OGG1: variants seen among roughly 807,000 people sequenced by gnomAD.
The protein encoded by OGG1 is N-glycosylase/DNA lyase.
In OGG1, 35 loss-of-function variants were observed where a neutral mutation model predicts 42.3. The observed-to-expected ratio is 0.83, with a 90% CI of 0.63 to 1.10. The LOEUF (loss-of-function observed/expected upper bound fraction) is 1.10, where lower values mean the gene tolerates loss of function less well. OGG1 is among the 50% of genes least tolerant of loss of function. OGG1 has a pLI of 0.00. For synonymous variants in OGG1, 189 were observed against 179.0 expected, an observed-to-expected ratio of 1.06 and a Z score of -0.44; for missense variants, 484 against 446.7, an observed-to-expected ratio of 1.08 and a Z score of -0.75.
At chr3:9,770,990 CTTTCTTTCTTT>C (rs1380113719), downstream of OGG1, among the ~76,000 whole-genome samples, 4 of 151,712 alleles carry the variant, frequency 2.6e-5, no homozygotes, top group African/African-American at 4.8e-5. Flanking sequence ...TTTTCTCTTT[CTTTCTTTCTTT>C]TTTCTTTCTT....
intron 2 of OGG1, 136 bp from the exon 3 acceptor site, chr3:9,751,633 GC>G: frequency 1.2e-6 from 1 of 833,662 alleles, no homozygotes; most frequent in Non-Finnish European, 2.1e-6. Flanking sequence ...GTCTGGTGTT[GC>G]TTTCTCTAAC....
chr3:9,752,076 C>G (rs573030801), intron 3 of OGG1, 127 bp downstream of exon 3: 8 of 826,016 alleles, frequency 9.7e-6, no homozygotes, highest in Admixed American at 2.1e-5. Flanking sequence ...ACCGCCCTGC[C>G]TGGTCTGATC....
At chr3:9,766,309 T>A in exon 8 of OGG1, 1 of 697,162 alleles carries the variant, frequency 1.4e-6, no homozygotes, top group South Asian at 1.5e-5. Flanking sequence ...GATCCAGCCA[T>A]GCCTGAGGTC....
rs3816444 is a variant in OGG1, at chr3:9,787,117, G to A, written c.383-611G>A. 16 of 1,614,186 alleles carry A rather than the reference G, an allele frequency of 9.9e-6. No individual in the cohort carries two copies. The East Asian group carries it at 3.3e-4, about 34-fold the overall frequency. ...TCAGCAGGGCATCCACATCTAAGCG[G>A]GCACAGGAAAGGAGGGGAGGTGGGC... On this transcript the variant is annotated intron_variant, in intron 3 of 3. Transcript: ENST00000426518.
chr3:9,782,357 G>A (rs977357786), intron 3 of OGG1, among the ~76,000 whole-genome samples: 1 of 152,144 alleles, frequency 6.6e-6, no homozygotes, highest in South Asian at 2.1e-4. Context: ...GCTTCACTGG[G>A]CCTTTATTTC....
At position 9,750,315 on chromosome 3, in the gene OGG1, G is replaced by A. The variant is rs749363197; in HGVS notation, c.29G>A (p.Arg10His). Residue 10 changes from arginine (R) to histidine (H), a missense_variant, in exon 1 of 7, where the codon CGC (arginine) becomes CAC (histidine). Arg to His is a conservative substitution (Grantham distance 29). Transcript: ENST00000344629. The part of the protein sequence containing the change: MPARALLPR[R>H]MGHRTLASTP... ...CCTGCCCGCGCGCTTCTGCCCAGGC[G>A]CATGGGGCATCGTACTCTAGCCTCC... 6.2e-7 allele frequency: 1 copy of A among 1,613,258 alleles called. No individual in the cohort carries two copies. The highest frequency in any genetic ancestry group is 1.7e-5 in the Admixed American group (1 of 60,014).
intron 3 of OGG1, chr3:9,787,459 G>C: frequency 1.4e-6 from 2 of 1,382,568 alleles, no homozygotes; most frequent in South Asian, 1.5e-5. Flanking sequence ...GCCAAGCCCA[G>C]TGTCAGGTGT....
At chr3:9,768,377 G>A (rs2125599133), downstream of OGG1, among the ~76,000 whole-genome samples, 1 of 152,288 alleles carries the variant, frequency 6.6e-6, no homozygotes, top group South Asian at 2.1e-4. Context: ...CCCCATCTGG[G>A]TCCCGGGAGC....
At chr3:9,785,928 CCTT>C (rs779166853) in intron 3 of OGG1, among the ~76,000 whole-genome samples, 130 of 150,260 alleles carry the variant, frequency 8.7e-4, no homozygotes, top group African/African-American at 2.4e-3. Context: ...ACACACTCCT[CCTT>C]GTTTTGTTTT....
At chr3:9,760,728 T>C (rs1452502107), downstream of OGG1, 6 of 1,613,952 alleles carry the variant, frequency 3.7e-6, no homozygotes, top group Non-Finnish European at 5.1e-6. Context: ...TCAAAGAGTT[T>C]GGCATCATTC....
chr3:9,779,370 C>T (rs1299356899), intron 2 of OGG1, among the ~76,000 whole-genome samples: 1 of 152,168 alleles, frequency 6.6e-6, no homozygotes, highest in Non-Finnish European at 1.5e-5. Flanking sequence ...CTGGCTCCGG[C>T]TCCCTCCTGT....
Position 9,751,060 on chromosome 3 carries a change from G to T in OGG1, c.253G>T (p.Ala85Ser), listed in dbSNP as rs17050550. Residue 85 changes from alanine (A) to serine (S), a missense_variant, in exon 2 of 7, where the codon GCT becomes TCT. By Grantham distance (99) the Ala-to-Ser change is moderately conservative. Coordinates refer to ENST00000344629, the MANE Select transcript of OGG1 (RefSeq NM_002542.6). ...TGTGTACCGAGGAGACAAGAGCCAG[G>T]CTAGCAGGCCCACACCAGACGAGCT... ...CTVYRGDKSQ[A>S]SRPTPDELEA... 2.2e-3 allele frequency: 3,487 copies of T among 1,613,834 alleles called. 7 individuals carry two copies. Among genetic ancestry groups the T allele is most frequent in the Non-Finnish European group, 2.8e-3 (3,305 of 1,179,868 alleles).
At position 9,757,219 on chromosome 3, in the gene OGG1, C is replaced by A; in HGVS notation, c.*69C>A. The A allele has an allele frequency of 3.1e-6, 5 of 1,613,802 alleles. No individual in the cohort carries two copies. Among genetic ancestry groups the A allele is most frequent in the Non-Finnish European group, 4.2e-6 (5 of 1,179,796 alleles). On this transcript the variant is annotated 3_prime_UTR_variant, in exon 7 of 7. Coordinates refer to ENST00000344629, the MANE Select transcript of OGG1 (RefSeq NM_002542.6). This position sits in a 1 kb window ranked among gnomAD's most constrained non-coding sequence, Gnocchi z 4.5. ...CCATTCCCCACTTCTCTCTCCCCAT[C>A]CCCACCCAGTCTCATGTTGGGGAGG...
At chr3:9,786,536 T>C (rs761928683) in intron 3 of OGG1, among the ~76,000 whole-genome samples, 6 of 152,202 alleles carry the variant, frequency 3.9e-5, no homozygotes, top group Non-Finnish European at 8.8e-5. Flanking sequence ...AATCCTGGTG[T>C]GTGAGACCTC....
At chr3:9,789,524 C>G, downstream of OGG1, 1 of 1,614,128 alleles carries the variant, frequency 6.2e-7, no homozygotes, top group Non-Finnish European at 8.5e-7. Flanking sequence ...AATGCTCAGC[C>G]TCATCTTCTG....
chr3:9,783,064 A>T (rs1198465810), intron 3 of OGG1: 1 of 152,230 alleles, frequency 6.6e-6, no homozygotes, highest in Non-Finnish European at 1.5e-5. Context: ...AACACTGGTC[A>T]ATTTCTTGTG....
chr3:9,751,755 A>G lies in OGG1; in HGVS notation c.386-15A>G. 6.2e-7 allele frequency: 1 copy of G among 1,614,014 alleles called. No individual in the cohort carries two copies. The highest frequency in any genetic ancestry group is 8.5e-7 in the Non-Finnish European group (1 of 1,179,906). On this transcript the variant is annotated splice_polypyrimidine_tract_variant and intron_variant, in intron 2 of 6. Transcript: ENST00000344629. The stretch of plus-strand genomic sequence containing the variant: ...AGCAGGTACCTCTCCTACCCCCTGC[A>G]TTTCTGGTCTCCAGGTGTGCGACTG...
intron 3 of OGG1, among the ~76,000 whole-genome samples, chr3:9,781,975 T>C (rs1229131779): frequency 4.0e-5 from 6 of 151,628 alleles, no homozygotes; most frequent in African/African-American, 9.7e-5. Flanking sequence ...AGTAGGACTA[T>C]AGGCATGTGC....
In OGG1 at chr3:9,757,089, C is replaced by G. The variant is rs1052133; in HGVS notation, c.977C>G (p.Ser326Cys). Residue 326 changes from serine (S) to cysteine (C), a missense_variant, in exon 7 of 7, where the codon TCC becomes TGC. Ser to Cys is a moderately radical substitution (Grantham distance 112, BLOSUM62 -1). Coordinates refer to ENST00000344629, the MANE Select transcript of OGG1 (RefSeq NM_002542.6). The surrounding 1 kb of genome is among the most constrained non-coding windows in gnomAD (Gnocchi z 4.5). ...AVLFSADLRQ[S>C]RHAQEPPAKR... ...CTGTTCAGTGCCGACCTGCGCCAAT[C>G]CCGCCATGCTCAGGAGCCACCAGCA... 388,663 of 1,614,026 alleles carry G rather than the reference C, an allele frequency of 0.24. 50,216 individuals carry two copies. The highest frequency in any genetic ancestry group is 0.54 in the East Asian group (24,052 of 44,874).
Sources: allele counts gnomAD v4.1 joint callset (sites outside exome capture counted in the v4.1 genomes callset), GRCh38; gene constraint gnomAD v4.1.1; non-coding constraint Gnocchi (gnomAD v3.1); transcripts MANE v1.5; gene names NCBI Gene and HGNC (gene_info 2026-07-23, HGNC 2026-07-21).